Variants in STX5 observed in about 807,000 individuals in gnomAD.
The protein encoded by STX5 is syntaxin 5, also known as syntaxin-5.
Under a neutral mutation model 42.9 loss-of-function variants are expected in STX5, and 15 were observed. That is an observed-to-expected ratio of 0.35 (90% CI 0.23 to 0.54). The LOEUF (loss-of-function observed/expected upper bound fraction) is 0.54, where lower values mean the gene tolerates loss of function less well. Ranked by LOEUF, STX5 falls within the 20% of genes least tolerant of loss-of-function variation. The pLI is 0.91. For missense variants in STX5, 430 were observed against 455.0 expected (o/e 0.95, Z 0.50); for synonymous variants, 184 against 173.2 (o/e 1.06, Z -0.49).
intron 7 of STX5, 51 bp downstream of exon 7, chr11:62,825,232 C>A: frequency 6.2e-7 from 1 of 1,613,326 alleles, no homozygotes; most frequent in Non-Finnish European, 8.5e-7. Flanking sequence ...TCATTTCCCT[C>A]TTGGATCTTT....
At chr11:62,827,665 T>C (rs768665528) in intron 2 of STX5, 34 bp from the exon 3 acceptor site, 1 of 1,612,636 alleles carries the variant, frequency 6.2e-7, no homozygotes, top group South Asian at 1.1e-5. Flanking sequence ...ACAACTTTAG[T>C]TCTCCCTTCC....
rs565010584 is a variant in STX5, at chr11:62,812,580, G to A, written c.909-4952C>T. On this transcript the variant is annotated intron_variant, in intron 10 of 10. Transcript: ENST00000294179. ...ACTACAGGCGCCGGTCACCACACCC[G>A]GCTAATTTTTTTGTATTTTTTTTAG... is the stretch of plus-strand genomic sequence containing the variant. Among the ~76,000 whole-genome samples the A allele has an allele frequency of 4.1e-3, 629 of 151,604 alleles. 1 individual carries two copies. The highest frequency in any genetic ancestry group is 6.1e-3 in the Non-Finnish European group (413 of 67,908).
chr11:62,825,168 T>A (rs2084780975), intron 7 of STX5, 51 bp from the exon 8 acceptor site: 1 of 1,611,914 alleles, frequency 6.2e-7, no homozygotes, highest in South Asian at 1.1e-5. Context: ...AAAGCAGGCA[T>A]GTTAAAGAGA....
At position 62,807,600 on chromosome 11, in the gene STX5, G is replaced by C; in HGVS notation, c.937C>G (p.Leu313Val). 1.9e-6 allele frequency: 3 copies of C among 1,614,132 alleles called. No individual in the cohort carries two copies. The highest frequency in any genetic ancestry group is 2.5e-6 in the Non-Finnish European group (3 of 1,180,026). The part of the protein sequence containing the change: ...RIDENVLGAQ[L>V]DVEAAHSEIL... ...TCTGAATGGGCGGCCTCAACGTCCAGCTGGGCTCCTAGCACGTTCTCGTCG... is the reference window on the plus strand; with the variant it reads ...TCTGAATGGGCGGCCTCAACGTCCACCTGGGCTCCTAGCACGTTCTCGTCG... Residue 313 changes from leucine to valine, a missense_variant, in exon 11 of 11, where the codon CTG becomes GTG. Leu to Val is a conservative substitution (Grantham distance 32). Coordinates refer to ENST00000294179, the MANE Select transcript of STX5 (RefSeq NM_003164.5).
chr11:62,807,345 T>C lies in STX5; in HGVS notation c.*124A>G, dbSNP rs2084562752. 1.4e-6 allele frequency: 2 copies of C among 1,428,086 alleles called. No homozygotes were observed. Among genetic ancestry groups the C allele is most frequent in the African/African-American group, 2.9e-5 (2 of 69,572 alleles). The allele number at this position is 1,428,086 out of a possible 1,614,324, so 88.5% of individuals were successfully genotyped here. ...GGGGATCAGGGGCAGTGGTCATTCT[T>C]AGCAGTTCCAGGGAAACAGGGCCTT... On this transcript the variant is annotated 3_prime_UTR_variant, in exon 11 of 11. Coordinates refer to ENST00000294179, the MANE Select transcript of STX5 (RefSeq NM_003164.5).
chr11:62,819,312 G>T (rs1455173907), intron 10 of STX5, among the ~76,000 whole-genome samples: 1 of 133,076 alleles, frequency 7.5e-6, no homozygotes, highest in Non-Finnish European at 1.6e-5. Flanking sequence ...TCAGTTTTCA[G>T]ATGAAAGAAA....
chr11:62,811,284 TA>T (rs903935758), intron 10 of STX5, among the ~76,000 whole-genome samples: 1 of 152,192 alleles, frequency 6.6e-6, no homozygotes, highest in African/African-American at 2.4e-5. Flanking sequence ...AAATGCCTAC[TA>T]AACTCTGTCA....
At chr11:62,810,498 G>A (rs1261267561) in intron 10 of STX5, among the ~76,000 whole-genome samples, 1 of 152,154 alleles carries the variant, frequency 6.6e-6, no homozygotes, top group Non-Finnish European at 1.5e-5. Flanking sequence ...TACAGGTGAA[G>A]GGAATATGAG....
intron 2 of STX5, among the ~76,000 whole-genome samples, chr11:62,829,153 G>A (rs550204653): frequency 7.2e-5 from 11 of 152,136 alleles, no homozygotes; most frequent in African/African-American, 2.2e-4. Flanking sequence ...GGCTGGGTAC[G>A]GTGGCTCACG....
At chr11:62,831,665 C>G (rs772598762) in intron 1 of STX5, among the ~76,000 whole-genome samples, 1 of 152,160 alleles carries the variant, frequency 6.6e-6, no homozygotes. Flanking sequence ...TGACACACTT[C>G]GGTGGGCGGA....
intron 10 of STX5, among the ~76,000 whole-genome samples, chr11:62,811,500 G>C (rs959835393): frequency 5.3e-5 from 8 of 152,126 alleles, no homozygotes; most frequent in Non-Finnish European, 2.9e-5. Context: ...TATCTACCAA[G>C]TTCTTTCTCA....
intron 8 of STX5, 109 bp from the exon 9 acceptor site, chr11:62,824,674 T>C (rs966873790): frequency 2.9e-6 from 3 of 1,028,400 alleles, no homozygotes; most frequent in African/African-American, 3.2e-5. Context: ...CTTGTGACCC[T>C]GGACAGGTCA....
At chr11:62,818,400 T>C (rs1224988693) in intron 10 of STX5, among the ~76,000 whole-genome samples, 1 of 146,052 alleles carries the variant, frequency 6.8e-6, no homozygotes, top group African/African-American at 2.6e-5. Context: ...CTACTAAAAA[T>C]ACAAAAAAAA....
chr11:62,832,040 C>T lies in STX5; in HGVS notation c.-106G>A, dbSNP rs1368954416. The T allele has an allele frequency of 6.1e-5, 30 of 490,246 alleles. No homozygotes were observed. The highest frequency in any genetic ancestry group is 6.0e-5 in the East Asian group (1 of 16,690). The allele number at this position is 490,246 out of a possible 1,614,324, so 30.4% of individuals were successfully genotyped here. A position where few individuals can be genotyped will look rare whatever the true frequency, so the allele number is the denominator to read the frequency against. On this transcript the variant is annotated 5_prime_UTR_variant, in exon 1 of 11. Transcript: ENST00000294179. Reference sequence around the variant, plus strand: ...CCCGAGCACTGAAGCCGCCGAAACCCGACCAAAGACTGGAAGCGGCCACGT... The same window carrying T: ...CCCGAGCACTGAAGCCGCCGAAACCTGACCAAAGACTGGAAGCGGCCACGT...
intron 2 of STX5, 58 bp from the exon 3 acceptor site, chr11:62,827,689 T>A: frequency 1.3e-6 from 2 of 1,587,544 alleles, no homozygotes; most frequent in Non-Finnish European, 1.7e-6. Context: ...GTTCCAGCTT[T>A]CACTCTTCCT....
rs577219549 is a variant in STX5 at position 62,830,340 on chromosome 11, T to G, written c.225+679A>C. ...TACAAATTACTGATCTAGGGCCAGGTGTGGTGTCCAGACCAACCTGGGCAA... is the reference window on the plus strand; with the variant it reads ...TACAAATTACTGATCTAGGGCCAGGGGTGGTGTCCAGACCAACCTGGGCAA... On this transcript the variant is annotated intron_variant, in intron 2 of 10. Transcript: ENST00000294179. The G allele has an allele frequency of 9.6e-6, 3 of 311,678 alleles. No homozygotes were observed. In the East Asian group the frequency reaches 2.4e-4, roughly 25 times the overall value. 19.3% of individuals were successfully genotyped at this position (311,678 alleles called of 1,614,324 possible).
In STX5 at chr11:62,827,215, G is replaced by A. The variant is rs1590975203; in HGVS notation, c.363C>T (p.Arg121=). ...KLEKLTILAK[R]KSLFDDKAVE... is the part of the protein sequence containing the mutation. Reference sequence around the variant, plus strand: ...CTGCTTTATCATCAAAGAGGGACTTGCGCTTTGCCACTACAGAGACAAACA... The same window carrying A: ...CTGCTTTATCATCAAAGAGGGACTTACGCTTTGCCACTACAGAGACAAACA... Residue 121 remains arginine (R), a synonymous_variant, in exon 5 of 11, where the codon CGC becomes CGT. Transcript: ENST00000294179. The A allele has an allele frequency of 6.2e-7, 1 of 1,614,134 alleles. No homozygotes were observed. Among genetic ancestry groups the A allele is most frequent in the African/African-American group, 1.3e-5 (1 of 75,032 alleles).
chr11:62,819,949 C>T (rs1044599883), intron 10 of STX5, among the ~76,000 whole-genome samples: 12 of 151,454 alleles, frequency 7.9e-5, no homozygotes, highest in African/African-American at 2.2e-4. Context: ...ATGATCCACC[C>T]GCCTCAACCT....
At chr11:62,827,493 C>G (rs1458327889) in intron 3 of STX5, 68 bp downstream of exon 3, 1 of 1,612,766 alleles carries the variant, frequency 6.2e-7, no homozygotes, top group East Asian at 2.2e-5. Flanking sequence ...ACAGCCAAGG[C>G]CACTGATTGC....
Sources: allele counts gnomAD v4.1 joint callset (sites outside exome capture counted in the v4.1 genomes callset), GRCh38; gene constraint gnomAD v4.1.1; transcripts MANE v1.5; gene names NCBI Gene and HGNC (gene_info 2026-07-23, HGNC 2026-07-21).